The following TSPAN8 variants were observed in gnomAD, a reference collection of about 807,000 sequenced individuals.
TSPAN8 encodes tetraspanin-8.
A neutral mutation model predicts 32.8 loss-of-function variants in TSPAN8; 21 were observed. That is an observed-to-expected ratio of 0.64 (90% CI 0.45 to 0.92). The LOEUF (loss-of-function observed/expected upper bound fraction) is 0.92, where lower values mean the gene tolerates loss of function less well. TSPAN8 is among the 40% of genes least tolerant of loss of function. The pLI is 0.00. For synonymous variants in TSPAN8, 95 were observed against 94.6 expected, an observed-to-expected ratio of 1.00 and a Z score of -0.03; for missense variants, 269 against 281.9, an observed-to-expected ratio of 0.95 and a Z score of 0.33.
Position 71,139,754 on chromosome 12 carries a change from C to G in TSPAN8, c.218G>C (p.Gly73Ala), listed in dbSNP as rs3763978. The G allele has an allele frequency of 0.37, 601,460 of 1,612,202 alleles. 118,156 individuals carry two copies. The highest frequency in any genetic ancestry group is 0.41 in the Non-Finnish European group (482,409 of 1,178,842). Residue 73 changes from glycine (G) to alanine (A), a missense_variant, in exon 4 of 9, where the codon GGA (glycine) becomes GCA (alanine). Physicochemically the swap from Gly to Ala is moderately conservative, Grantham distance 60. Coordinates refer to ENST00000247829, the MANE Select transcript of TSPAN8 (RefSeq NM_004616.3). The stretch of plus-strand genomic sequence containing the variant: ...ACTTTCTTTTATAGCACCGCAGCAT[C>G]CCAGGAAGCCCAGAATCATGATGAT... ...GAIIMILGFL[G>A]CCGAIKESRC...
intron 3 of TSPAN8, 30 bp downstream of exon 3, chr12:71,144,121 G>C: frequency 6.3e-7 from 1 of 1,592,442 alleles, no homozygotes; most frequent in Non-Finnish European, 8.6e-7. Context: ...ACTACATTGG[G>C]GAAAGGGTGA....
At chr12:71,151,624 T>C (rs967676773) in intron 2 of TSPAN8, among the ~76,000 whole-genome samples, 1 of 152,198 alleles carries the variant, frequency 6.6e-6, no homozygotes, top group Non-Finnish European at 1.5e-5. Context: ...ATAACGTTCA[T>C]ATAAGTAACA....
chr12:71,156,250 C>CAAAAAAAAAAAAAAAAAAAA (rs763217771), intron 2 of TSPAN8, among the ~76,000 whole-genome samples: 14 of 24,358 alleles, frequency 5.7e-4, no homozygotes, highest in African/African-American at 1.4e-3. Flanking sequence ...CAAAGTTCTC[C>CAAAAAAAAAAAAAAAAAAAA]AAAAAAAAAA....
At chr12:71,156,871 C>G (rs936531271) in intron 2 of TSPAN8, 2 of 152,148 alleles carry the variant, frequency 1.3e-5, no homozygotes, top group Admixed American at 6.5e-5. Context: ...AGGTCAATGT[C>G]CCAACATCCC....
At chr12:71,129,947 C>T (rs1179459128) in intron 7 of TSPAN8, among the ~76,000 whole-genome samples, 5 of 133,492 alleles carry the variant, frequency 3.7e-5, no homozygotes, top group South Asian at 2.3e-4. Flanking sequence ...TTTTTTCTTT[C>T]TTTCTTTTTT....
intron 6 of TSPAN8, among the ~76,000 whole-genome samples, chr12:71,136,244 GA>G: frequency 6.6e-6 from 1 of 152,192 alleles, no homozygotes; most frequent in African/African-American, 2.4e-5. Flanking sequence ...TGAAACTCTG[GA>G]AAAACTAGTA....
At chr12:71,144,982 C>T (rs11178655) in intron 2 of TSPAN8, among the ~76,000 whole-genome samples, 11,158 of 151,846 alleles carry the variant, frequency 0.073, 928 homozygotes, top group East Asian at 0.27. Context: ...TGCATTGTGG[C>T]TTCAAAAACA....
At chr12:71,129,540 C>T (rs1871453842) in intron 7 of TSPAN8, 126 bp from the exon 8 acceptor site, 3 of 1,034,412 alleles carry the variant, frequency 2.9e-6, no homozygotes, top group Non-Finnish European at 3.9e-6. Context: ...CGACAAGGAA[C>T]TGGGTTATTC....
rs749316104 is a variant in TSPAN8 at position 71,138,162 on chromosome 12, T to C, written c.330A>G (p.Lys110=). The change falls in exon 5 of 9, where the codon AAA becomes AAG. Residue 110 remains lysine (K), a synonymous_variant. Coordinates refer to ENST00000247829, the MANE Select transcript of TSPAN8 (RefSeq NM_004616.3). ...VATGILGAVF[K]SKSDRIVNET... is the part of the protein sequence containing the mutation. ...CAAACATCTGTGCACACACCTTAGA[T>C]TTGAAAACAGCTCCTAGGATACCTG... 1.2e-6 allele frequency: 2 copies of C among 1,613,842 alleles called. No homozygotes were observed. The highest frequency in any genetic ancestry group is 2.7e-5 in the African/African-American group (2 of 74,926).
At chr12:71,129,983 C>T (rs1470058677) in intron 7 of TSPAN8, among the ~76,000 whole-genome samples, 1 of 148,176 alleles carries the variant, frequency 6.7e-6, no homozygotes, top group Admixed American at 6.7e-5. Context: ...GACAGGGTCT[C>T]CCTCCAGCGC....
At chr12:71,130,639 C>CT (rs34644853) in intron 7 of TSPAN8, among the ~76,000 whole-genome samples, 59,376 of 152,046 alleles carry the variant, frequency 0.39, 12,656 homozygotes, top group East Asian at 0.57. Flanking sequence ...GCTAAGTCAT[C>CT]TTTCCCCTTC....
At chr12:71,146,105 C>T (rs942705243) in intron 2 of TSPAN8, among the ~76,000 whole-genome samples, 2 of 152,072 alleles carry the variant, frequency 1.3e-5, no homozygotes, top group African/African-American at 4.8e-5. Flanking sequence ...TGAAAATTTT[C>T]TGTAACATTA....
At position 71,138,646 on chromosome 12, in the gene TSPAN8, T is replaced by G. The variant is rs117436195; in HGVS notation, c.262-416A>C. Among the ~76,000 whole-genome samples the G allele has an allele frequency of 2.6e-3, 401 of 152,320 alleles. 8 individuals are homozygous for G. In the East Asian group the frequency reaches 0.05, roughly 19 times the overall value. On this transcript the variant is annotated intron_variant, in intron 4 of 8. Transcript: ENST00000247829. ...ATCACCTGGCATCTTGTTACATATA[T>G]AGATTCCTGAAATCGGCTTCAGATA...
At chr12:71,146,578 C>T (rs949573117) in intron 2 of TSPAN8, among the ~76,000 whole-genome samples, 6 of 152,134 alleles carry the variant, frequency 3.9e-5, no homozygotes, top group Admixed American at 2.6e-4. Context: ...TAAATGCCTG[C>T]TCTCTACTTT....
chr12:71,151,363 T>C (rs978974091), intron 2 of TSPAN8, among the ~76,000 whole-genome samples: 3 of 152,180 alleles, frequency 2.0e-5, no homozygotes, highest in Non-Finnish European at 4.4e-5. Context: ...GCGCCTGGTC[T>C]CATGTGCATC....
At chr12:71,135,347 A>G (rs1871659362) in intron 6 of TSPAN8, among the ~76,000 whole-genome samples, 1 of 132,650 alleles carries the variant, frequency 7.5e-6, no homozygotes, top group Non-Finnish European at 1.6e-5. Context: ...GAGGAGGAAG[A>G]AGGAGGAGAA....
chr12:71,137,894 T>G (rs1871754751), intron 6 of TSPAN8, 59 bp downstream of exon 6: 1 of 1,490,928 alleles, frequency 6.7e-7, no homozygotes, highest in African/African-American at 1.4e-5. Flanking sequence ...TGTTAAAAAC[T>G]AAACAAACAC....
At chr12:71,129,951 C>CTTTTTTTTTTTTTTTTTT (rs35715058) in intron 7 of TSPAN8, among the ~76,000 whole-genome samples, 1 of 140,200 alleles carries the variant, frequency 7.1e-6, no homozygotes, top group African/African-American at 2.6e-5. Context: ...TTCTTTCTTT[C>CTTTTTTTTTTTTTTTTTT]TTTTTTTTTT....
intron 6 of TSPAN8, among the ~76,000 whole-genome samples, chr12:71,137,650 C>T (rs1449586498): frequency 6.6e-6 from 1 of 152,078 alleles, no homozygotes; most frequent in African/African-American, 2.4e-5. Context: ...TTCCCAGACA[C>T]ACTACCCTTT....
Sources: allele counts gnomAD v4.1 joint callset (sites outside exome capture counted in the v4.1 genomes callset), GRCh38; gene constraint gnomAD v4.1.1; transcripts MANE v1.5; gene names NCBI Gene and HGNC (gene_info 2026-07-23, HGNC 2026-07-21).